Variants in NEBL observed in about 807,000 individuals in gnomAD.
NEBL encodes LIM and SH3 protein 2.
NEBL carries 122 observed loss-of-function variants against 140.2 expected under a neutral mutation model. That is an observed-to-expected ratio of 0.87 (90% confidence interval 0.75 to 1.01). The LOEUF (loss-of-function observed/expected upper bound fraction) is 1.01, where lower values mean the gene tolerates loss of function less well. Ranked by LOEUF, NEBL falls within the 50% of genes least tolerant of loss-of-function variation. The probability of loss-of-function intolerance (pLI) is 0.00; values close to 1 mark genes in which losing one functional copy is unlikely to be tolerated. For synonymous variants in NEBL, 436 were observed against 398.9 expected (o/e 1.09, Z -1.11); for missense variants, 1,365 against 1,231.3 (o/e 1.11, Z -1.62).
intron 2 of NEBL, among the ~76,000 whole-genome samples, chr10:21,132,751 T>A (rs554480678): frequency 3.1e-4 from 47 of 152,338 alleles, no homozygotes; most frequent in Non-Finnish European, 4.6e-4. Flanking sequence ...CAGGCCTTCT[T>A]TCATGTGTTT....
intron 3 of NEBL, among the ~76,000 whole-genome samples, chr10:21,225,368 C>T (rs372104459): frequency 9.9e-5 from 15 of 152,112 alleles, no homozygotes; most frequent in African/African-American, 2.2e-4. Flanking sequence ...CACTCAAGGT[C>T]CACAGTAACC....
intron 2 of NEBL, among the ~76,000 whole-genome samples, chr10:21,158,169 A>G (rs909568371): frequency 3.3e-5 from 5 of 152,160 alleles, no homozygotes; most frequent in Non-Finnish European, 7.3e-5. Flanking sequence ...GTCTTTACAA[A>G]CCATTCTGCA....
Position 20,955,809 on chromosome 10 carries a change from G to A in NEBL, c.357+5863C>T, listed in dbSNP as rs1439827201. On this transcript the variant is annotated intron_variant, in intron 4 of 6. Transcript: ENST00000417816. ...CTGCAGTAACTCAGGCAAGATAATG[G>A]CCTGAACACAGTGAAACTGAAAAGA... 1.3e-5 allele frequency among the ~76,000 whole-genome samples: 2 copies of A among 151,810 alleles called. 1 individual carries two copies. The highest frequency in any genetic ancestry group is 4.2e-4 in the South Asian group (2 of 4,814).
chr10:20,903,773 C>T (rs965080518), intron 4 of NEBL, among the ~76,000 whole-genome samples: 3 of 151,766 alleles, frequency 2.0e-5, no homozygotes, highest in Non-Finnish European at 2.9e-5. Context: ...GAATGAAAAA[C>T]CAAATACTGC....
intron 4 of NEBL, among the ~76,000 whole-genome samples, chr10:20,952,000 C>T (rs540322376): frequency 2.0e-5 from 3 of 152,246 alleles, no homozygotes; most frequent in Admixed American, 6.5e-5. Flanking sequence ...ACTGCTAGCA[C>T]GGGACATGTG....
At chr10:20,875,071 T>C (rs532211864) in intron 5 of NEBL, among the ~76,000 whole-genome samples, 95 of 152,340 alleles carry the variant, frequency 6.2e-4, no homozygotes, top group African/African-American at 2.2e-3. Flanking sequence ...ATCTGTTCTT[T>C]GTTGCTTCCA....
intron 1 of NEBL, among the ~76,000 whole-genome samples, chr10:21,255,225 T>G (rs1842641309): frequency 6.6e-6 from 1 of 152,046 alleles, no homozygotes; most frequent in African/African-American, 2.4e-5. Context: ...ATATGGGAAT[T>G]AGAGCGAGAA....
At chr10:21,096,677 C>T (rs1249592036) in intron 2 of NEBL, among the ~76,000 whole-genome samples, 1 of 152,052 alleles carries the variant, frequency 6.6e-6, no homozygotes, top group African/African-American at 2.4e-5. Flanking sequence ...CCATGTCTGG[C>T]TAATTTTTAC....
At chr10:20,854,234 T>C (rs1207878114) in intron 9 of NEBL, among the ~76,000 whole-genome samples, 3 of 151,816 alleles carry the variant, frequency 2.0e-5, no homozygotes, top group Admixed American at 6.6e-5. Flanking sequence ...GGCAATAGAG[T>C]GGAGGGATCC....
chr10:20,787,556 C>G (rs1835527331), intron 26 of NEBL, among the ~76,000 whole-genome samples: 1 of 152,026 alleles, frequency 6.6e-6, no homozygotes, highest in Non-Finnish European at 1.5e-5. Flanking sequence ...TCTTGTGGCT[C>G]TATTGCAGAT....
intron 2 of NEBL, among the ~76,000 whole-genome samples, chr10:21,101,584 AG>A (rs1484510346): frequency 6.6e-6 from 1 of 152,218 alleles, no homozygotes; most frequent in Non-Finnish European, 1.5e-5. Flanking sequence ...TGCATTAGCT[AG>A]GACTTAGGTG....
chr10:20,813,252 T>A (rs1048379406), intron 23 of NEBL, among the ~76,000 whole-genome samples: 1 of 151,580 alleles, frequency 6.6e-6, no homozygotes, highest in South Asian at 2.1e-4. Flanking sequence ...CTTCCTAAAA[T>A]ATACTAATTT....
At chr10:20,816,230 G>A (rs1838708738) in intron 21 of NEBL, among the ~76,000 whole-genome samples, 1 of 152,048 alleles carries the variant, frequency 6.6e-6, no homozygotes, top group African/African-American at 2.4e-5. Context: ...GGATGTACTC[G>A]AATACATAGG....
At chr10:20,959,018 T>C (rs1188406803) in intron 4 of NEBL, among the ~76,000 whole-genome samples, 3 of 152,184 alleles carry the variant, frequency 2.0e-5, no homozygotes, top group African/African-American at 7.2e-5. Context: ...AAAATTCCCA[T>C]TCATCCGTAA....
At chr10:21,232,108 C>T (rs567097577) in intron 3 of NEBL, among the ~76,000 whole-genome samples, 45 of 152,148 alleles carry the variant, frequency 3.0e-4, no homozygotes, top group Non-Finnish European at 4.9e-4. Flanking sequence ...AAACTATGTT[C>T]CAACTGCCAC....
intron 1 of NEBL, among the ~76,000 whole-genome samples, chr10:21,264,044 C>T (rs535800306): frequency 6.6e-6 from 1 of 152,278 alleles, no homozygotes; most frequent in South Asian, 2.1e-4. Context: ...CAGTTAGGGG[C>T]AAAATGGAGC....
chr10:20,876,904 G>C (rs1845551186), intron 5 of NEBL, among the ~76,000 whole-genome samples: 1 of 152,124 alleles, frequency 6.6e-6, no homozygotes, highest in Admixed American at 6.5e-5. Flanking sequence ...ACTGGCAGGG[G>C]TATGTCCCTT....
At chr10:21,129,025 G>A (rs1237224284) in intron 2 of NEBL, among the ~76,000 whole-genome samples, 34 of 152,160 alleles carry the variant, frequency 2.2e-4, no homozygotes, top group Admixed American at 2.2e-3. Context: ...CAGTTTGGAA[G>A]CCACCACTCT....
Position 21,258,851 on chromosome 10 carries a change from G to T in NEBL, n.183-7023C>A, listed in dbSNP as rs532866973. On this transcript the variant is annotated intron_variant and non_coding_transcript_variant, in intron 1 of 8. Coordinates refer to the NEBL transcript ENST00000675702. The stretch of plus-strand genomic sequence containing the variant: ...CCGAGATCACGGCCACTGCACTCTG[G>T]CCTGGGCTGGAATAATAATAGCTAA... 2.0e-5 allele frequency among the ~76,000 whole-genome samples: 3 copies of T among 152,264 alleles called. No individual in the cohort carries two copies. The East Asian group carries it at 5.8e-4, about 29-fold the overall frequency.
Sources: gnomAD v4.1 joint callset for allele counts (sites outside exome capture counted in the v4.1 genomes callset) on GRCh38, gnomAD v4.1.1 for gene constraint, MANE v1.5 for transcripts, NCBI Gene and HGNC (gene_info 2026-07-23, HGNC 2026-07-21) for gene names.